Variants in PRMT7 observed in about 807,000 individuals in gnomAD.
PRMT7 encodes the protein protein arginine methyltransferase 7, also known as protein arginine N-methyltransferase 7.
Under a neutral mutation model 85.4 loss-of-function variants are expected in PRMT7, and 75 were observed. The observed-to-expected ratio is 0.88, with a 90% CI of 0.73 to 1.06. The LOEUF is 1.06. PRMT7 is among the 50% of genes least tolerant of loss of function. PRMT7 has a pLI of 0.00. For synonymous variants in PRMT7, 397 were observed against 359.5 expected (o/e 1.10, Z -1.18); for missense variants, 868 against 915.2 (o/e 0.95, Z 0.67).
chr16:68,316,765 T>G (rs1024059408), intron 3 of PRMT7: 1 of 151,494 alleles, frequency 6.6e-6, no homozygotes, highest in Non-Finnish European at 1.5e-5. Context: ...AAACTCTGTC[T>G]CAAAAAAAAA....
At chr16:68,352,072 A>G in intron 14 of PRMT7, 176 bp from the exon 15 acceptor site, 1 of 609,392 alleles carries the variant, frequency 1.6e-6, no homozygotes, top group South Asian at 2.1e-5. Flanking sequence ...TGACTGAGGG[A>G]GGGAGGGACT....
chr16:68,332,495 G>A (rs1405926666), intron 6 of PRMT7, among the ~76,000 whole-genome samples: 2 of 152,136 alleles, frequency 1.3e-5, no homozygotes, highest in Non-Finnish European at 2.9e-5. Flanking sequence ...GGTTTCCCTT[G>A]TCTGGCTGAT....
Position 68,346,195 on chromosome 16 carries a change from A to G in PRMT7, c.1106A>G (p.Gln369Arg), listed in dbSNP as rs1377163520. The stretch of plus-strand genomic sequence containing the variant: ...CAGATGCGCCCCGTGTGTGACTGCC[A>G]GGCTCACCTGCTCTGGAACCGGCCT... ...VRQMRPVCDC[Q>R]AHLLWNRPRF... is the part of the protein sequence containing the mutation. Residue 369 changes from glutamine to arginine, a missense_variant, in exon 11 of 19, where the codon CAG (glutamine) becomes CGG (arginine). By Grantham distance (43) the Gln-to-Arg change is conservative (BLOSUM62 1). Transcript: ENST00000441236. The G allele has an allele frequency of 6.2e-7, 1 of 1,614,170 alleles. No homozygotes were observed. The highest frequency in any genetic ancestry group is 8.5e-7 in the Non-Finnish European group (1 of 1,180,046).
At chr16:68,317,661 C>G (rs1440426718) in intron 3 of PRMT7, among the ~76,000 whole-genome samples, 1 of 152,028 alleles carries the variant, frequency 6.6e-6, no homozygotes, top group Non-Finnish European at 1.5e-5. Flanking sequence ...AACCCTGTCT[C>G]TACTAAAAAT....
At chr16:68,326,991 A>G (rs2083198636) in intron 5 of PRMT7, among the ~76,000 whole-genome samples, 1 of 152,190 alleles carries the variant, frequency 6.6e-6, no homozygotes, top group Non-Finnish European at 1.5e-5. Context: ...AGGCCCTCAA[A>G]CCACATCTAA....
Position 68,346,163 on chromosome 16 carries a change from A to C in PRMT7, c.1074A>C (p.Arg358Ser). The C allele has an allele frequency of 6.2e-7, 1 of 1,613,946 alleles. No homozygotes were observed. Among genetic ancestry groups the C allele is most frequent in the Non-Finnish European group, 8.5e-7 (1 of 1,180,036 alleles). The change falls in exon 11 of 19, where the codon AGA (arginine) becomes AGC (serine). Residue 358 changes from arginine (R) to serine (S), a missense_variant. Arg to Ser is a moderately radical substitution (Grantham distance 110). Transcript: ENST00000441236. ...LQRTSPEKNE[R>S]VRQMRPVCDC... ...GGCCTAGCCCTGAAAAGAATGAGAG[A>C]GTCCGCCAGATGCGCCCCGTGTGTG... is the stretch of plus-strand genomic sequence containing the variant.
intron 9 of PRMT7, among the ~76,000 whole-genome samples, chr16:68,341,694 C>T (rs1045567976): frequency 3.3e-5 from 5 of 152,210 alleles, no homozygotes; most frequent in Admixed American, 1.3e-4. Context: ...AGGCGTGAGC[C>T]GCTATGCCCG....
In PRMT7 at chr16:68,311,077, G is replaced by T. The variant is rs760468348; in HGVS notation, c.-241G>T. On this transcript the variant is annotated 5_prime_UTR_variant, in exon 1 of 19. Transcript: ENST00000441236. ...CGGTAAAAGTGGTAGCAGCGGAGGC[G>T]AGCGGAGGGTTTCCCGCGGCGGGTG... 13 of 769,036 alleles carry T rather than the reference G, an allele frequency of 1.7e-5. No homozygotes were observed. In the South Asian group the frequency reaches 1.8e-4, roughly 10 times the overall value. 47.6% of individuals were successfully genotyped at this position (769,036 alleles called of 1,614,324 possible).
At position 68,345,523 on chromosome 16, in the gene PRMT7, T is replaced by C. The variant is rs2086221148; in HGVS notation, c.928-152T>C. The C allele has an allele frequency of 9.4e-6, 11 of 1,169,446 alleles. No homozygotes were observed. The South Asian group carries it at 1.3e-4, about 14-fold the overall frequency. The allele number at this position is 1,169,446 out of a possible 1,614,324, so 72.4% of individuals were successfully genotyped here. A position where few individuals can be genotyped will look rare whatever the true frequency, so the allele number is the denominator to read the frequency against. On this transcript the variant is annotated intron_variant, in intron 9 of 18. Coordinates refer to ENST00000441236, the MANE Select transcript of PRMT7 (RefSeq NM_019023.5). ...CTTTTGGGCCACTGGCCTCTGAGTTTAGAGTTTATTTATCTCCTTGGCCAC... is the reference window on the plus strand; with the variant it reads ...CTTTTGGGCCACTGGCCTCTGAGTTCAGAGTTTATTTATCTCCTTGGCCAC...
chr16:68,339,370 G>A lies in PRMT7; in HGVS notation c.553G>A (p.Val185Met). The A allele has an allele frequency of 4.3e-6, 7 of 1,614,184 alleles. No homozygotes were observed. The highest frequency in any genetic ancestry group is 5.9e-6 in the Non-Finnish European group (7 of 1,180,036). ...CAGAGCCACCGTCTATGCACAGCTG[G>A]TGGAGTCCGGGAGGATGTGGTCGTG... ...PHRATVYAQL[V>M]ESGRMWSWNK... Residue 185 changes from valine to methionine, a missense_variant, in exon 8 of 19, where the codon GTG becomes ATG. By Grantham distance (21) the Val-to-Met change is conservative (BLOSUM62 1). Coordinates refer to ENST00000441236, the MANE Select transcript of PRMT7 (RefSeq NM_019023.5).
chr16:68,326,025 CAA>C (rs1416766384), intron 5 of PRMT7, among the ~76,000 whole-genome samples: 2 of 151,928 alleles, frequency 1.3e-5, no homozygotes, highest in Non-Finnish European at 2.9e-5. Flanking sequence ...AAAAACCAAA[CAA>C]AATTAAAAAT....
chr16:68,360,125 C>CCCA (rs2089159321), downstream of PRMT7: 1 of 152,598 alleles, frequency 6.6e-6, no homozygotes, highest in Non-Finnish European at 1.5e-5. Context: ...GAGCCGCAGC[C>CCCA]CCACCCGGGG....
At position 68,339,865 on chromosome 16, in the gene PRMT7, C is replaced by T; in HGVS notation, c.824C>T (p.Ala275Val). 1 of 1,614,166 alleles carries T rather than the reference C, an allele frequency of 6.2e-7. No homozygotes were observed. The highest frequency in any genetic ancestry group is 1.3e-5 in the African/African-American group (1 of 75,050). Residue 275 changes from alanine to valine, a missense_variant, in exon 9 of 19, where the codon GCT becomes GTT. Coordinates refer to ENST00000441236, the MANE Select transcript of PRMT7 (RefSeq NM_019023.5). ...TTTGAACCTCTGACATCTGGCCGAG[C>T]TCAGGTGGTTCTCTCGTGGTGGGAC... ...RRFEPLTSGR[A>V]QVVLSWWDIE...
chr16:68,324,911 C>T, intron 5 of PRMT7, 79 bp downstream of exon 5: 1 of 1,562,580 alleles, frequency 6.4e-7, no homozygotes, highest in Non-Finnish European at 8.7e-7. Context: ...CCCGTCTGTT[C>T]CTTCACAAAC....
chr16:68,355,621 C>A, intron 16 of PRMT7, 102 bp from the exon 17 acceptor site: 1 of 1,234,740 alleles, frequency 8.1e-7, no homozygotes, highest in Non-Finnish European at 1.1e-6. Flanking sequence ...GGAGAACGCA[C>A]ACCCCTTGTG....
In PRMT7 at chr16:68,352,392, G is replaced by T; in HGVS notation, c.1558G>T (p.Val520Leu). 1.2e-6 allele frequency: 2 copies of T among 1,605,502 alleles called. No individual in the cohort carries two copies. Among genetic ancestry groups the T allele is most frequent in the South Asian group, 1.1e-5 (1 of 90,990 alleles). ...GCCCCAGGCAGCCTCGCTGCACGCTGTGGTTGTGGAGTTCAGGGTAGGCCA... is the reference window on the plus strand; with the variant it reads ...GCCCCAGGCAGCCTCGCTGCACGCTTTGGTTGTGGAGTTCAGGGTAGGCCA... ...VMPQAASLHA[V>L]VVEFRDLWRI... The change falls in exon 15 of 19, where the codon GTG becomes TTG. Residue 520 changes from valine (V) to leucine (L), a missense_variant. Coordinates refer to ENST00000441236, the MANE Select transcript of PRMT7 (RefSeq NM_019023.5).
At chr16:68,324,095 C>G (rs1031291942) in intron 4 of PRMT7, 1 of 152,480 alleles carries the variant, frequency 6.6e-6, no homozygotes, top group African/African-American at 2.4e-5. Flanking sequence ...AATGGGAACG[C>G]TGAGTAACCT....
intron 3 of PRMT7, 37 bp downstream of exon 3, chr16:68,316,111 G>A (rs1324334204): frequency 6.4e-7 from 1 of 1,574,454 alleles, no homozygotes; most frequent in Non-Finnish European, 8.7e-7. Context: ...CAGCTGGGTG[G>A]GGCACTTGAT....
downstream of PRMT7, chr16:68,358,637 TA>T (rs2088994334): frequency 6.5e-6 from 1 of 152,690 alleles, no homozygotes; most frequent in South Asian, 2.1e-4. Flanking sequence ...TCAAGATTAA[TA>T]TACTTAAAAC....
Sources: allele counts gnomAD v4.1 joint callset (sites outside exome capture counted in the v4.1 genomes callset), GRCh38; gene constraint gnomAD v4.1.1; transcripts MANE v1.5; gene names NCBI Gene and HGNC (gene_info 2026-07-23, HGNC 2026-07-21).